The following SPPL3 variants were observed in gnomAD, a reference collection of about 807,000 sequenced individuals.
The protein encoded by SPPL3 is signal peptide peptidase like 3.
Under a neutral mutation model 42.4 loss-of-function variants are expected in SPPL3, and 5 were observed. The observed-to-expected ratio is 0.12, with a 90% CI of 0.06 to 0.25. The LOEUF is 0.25. Among genes scored for constraint, SPPL3 ranks in the 10% least tolerant of loss-of-function variants. The pLI is 1.00. For missense variants in SPPL3, 235 were observed against 489.0 expected (o/e 0.48, Z 4.90); for synonymous variants, 195 against 181.8 (o/e 1.07, Z -0.58).
intron 1 of SPPL3, among the ~76,000 whole-genome samples, chr12:120,900,323 ACAG>A (rs1307175123): frequency 6.6e-6 from 1 of 152,076 alleles, no homozygotes; most frequent in Non-Finnish European, 1.5e-5. Flanking sequence ...AAAAAAAAAA[ACAG>A]CAGGACCAGG....
chr12:120,853,300 T>C (rs915883713), intron 1 of SPPL3, among the ~76,000 whole-genome samples: 1 of 152,200 alleles, frequency 6.6e-6, no homozygotes, highest in African/African-American at 2.4e-5. Flanking sequence ...TTTCTAAGTC[T>C]ACAGAACTAT....
intron 9 of SPPL3, 120 bp downstream of exon 9, chr12:120,767,274 A>C: frequency 9.2e-7 from 1 of 1,086,460 alleles, no homozygotes. Flanking sequence ...TGTCTATTAC[A>C]GCACCCAGAA....
intron 3 of SPPL3, among the ~76,000 whole-genome samples, chr12:120,785,510 G>A (rs1007482896): frequency 1.6e-4 from 25 of 151,808 alleles, no homozygotes; most frequent in African/African-American, 4.8e-4. Flanking sequence ...CATTAATAGA[G>A]TATTTTTGGT....
chr12:120,854,483 T>C (rs1566061526), intron 1 of SPPL3, among the ~76,000 whole-genome samples: 1 of 152,226 alleles, frequency 6.6e-6, no homozygotes, highest in Non-Finnish European at 1.5e-5. Flanking sequence ...ATGGCAGCTA[T>C]GTGCTGTGTG....
chr12:120,879,298 C>G (rs964072872), intron 1 of SPPL3, among the ~76,000 whole-genome samples: 6 of 151,976 alleles, frequency 3.9e-5, no homozygotes, highest in African/African-American at 1.5e-4. Context: ...TTCCTCATCT[C>G]CCCCGCTCCA....
chr12:120,843,533 T>C (rs1871902512), intron 1 of SPPL3, among the ~76,000 whole-genome samples: 1 of 152,208 alleles, frequency 6.6e-6, no homozygotes, highest in Admixed American at 6.5e-5. Flanking sequence ...CCCACCTCAC[T>C]GGCTGTTCCT....
At chr12:120,814,862 C>G (rs1218186511) in intron 1 of SPPL3, among the ~76,000 whole-genome samples, 1 of 152,074 alleles carries the variant, frequency 6.6e-6, no homozygotes, top group African/African-American at 2.4e-5. Context: ...TCTCCCTCTA[C>G]CCCCCTTTTA....
At chr12:120,842,666 A>G (rs1871871219) in intron 1 of SPPL3, among the ~76,000 whole-genome samples, 2 of 152,154 alleles carry the variant, frequency 1.3e-5, no homozygotes, top group African/African-American at 4.8e-5. Context: ...ATGGTAGAAT[A>G]GGCTAACAAG....
At chr12:120,851,330 T>C (rs1421734293) in intron 1 of SPPL3, among the ~76,000 whole-genome samples, 1 of 151,562 alleles carries the variant, frequency 6.6e-6, no homozygotes, top group East Asian at 1.9e-4. Context: ...TCTCATACAG[T>C]TTTTTTTTAA....
Position 120,768,411 on chromosome 12 carries a change from G to T in SPPL3, c.687C>A (p.Asp229Glu). The T allele has an allele frequency of 6.2e-7, 1 of 1,614,210 alleles. No homozygotes were observed. Among genetic ancestry groups the T allele is most frequent in the African/African-American group, 1.3e-5 (1 of 75,070 alleles). The stretch of plus-strand genomic sequence containing the variant: ...CCAGGTGGAGCTTCCGGGATAGAAC[G>T]TCAAGGGGATTGTCAGCCGGCTGAG... ...VATQPADNPL[D>E]VLSRKLHLGP... The change falls in exon 8 of 11, where the codon GAC (aspartate) becomes GAA (glutamate). Residue 229 changes from aspartate to glutamate, a missense_variant. This residue lies in a region of SPPL3 where 20 missense variants were observed against 28.2 expected (regional missense o/e 0.71). Coordinates refer to ENST00000353487, the MANE Select transcript of SPPL3 (RefSeq NM_139015.5).
chr12:120,859,683 C>T (rs1253021990), intron 1 of SPPL3, among the ~76,000 whole-genome samples: 1 of 152,118 alleles, frequency 6.6e-6, no homozygotes, highest in Non-Finnish European at 1.5e-5. Context: ...GGGCCGGGTG[C>T]AGTGGCTCCC....
chr12:120,791,235 AT>A (rs760965165), intron 3 of SPPL3, among the ~76,000 whole-genome samples: 22 of 152,240 alleles, frequency 1.4e-4, no homozygotes, highest in Non-Finnish European at 2.8e-4. Context: ...ATGTATTAAT[AT>A]TATCAAATCA....
intron 1 of SPPL3, among the ~76,000 whole-genome samples, chr12:120,830,580 GGA>G (rs151140429): frequency 0.043 from 317 of 7,298 alleles, 24 homozygotes; most frequent in African/African-American, 0.099. Flanking sequence ...AGGGGGGGAA[GGA>G]GAGAGAGAGA....
intron 1 of SPPL3, among the ~76,000 whole-genome samples, chr12:120,843,479 T>C (rs1201736879): frequency 1.3e-5 from 2 of 152,150 alleles, no homozygotes; most frequent in Non-Finnish European, 2.9e-5. Flanking sequence ...TTCTTGAAAT[T>C]TTCAGCTTTT....
rs909431887 is a variant in SPPL3 at position 120,903,962 on chromosome 12, G to GTGCTTGCT, written c.-103_-96dup. 3 of 1,089,010 alleles carry GTGCTTGCT rather than the reference G, an allele frequency of 2.8e-6. No individual in the cohort carries two copies. Among genetic ancestry groups the GTGCTTGCT allele is most frequent in the African/African-American group, 1.6e-5 (1 of 60,624 alleles). The allele number at this position is 1,089,010 out of a possible 1,614,324, so 67.5% of individuals were successfully genotyped here. A position where few individuals can be genotyped will look rare whatever the true frequency, so the allele number is the denominator to read the frequency against. The stretch of plus-strand genomic sequence containing the variant: ...TAGCTGAAGGCGCGGCCGGGGTCCG[G>GTGCTTGCT]TGCTTGCTTGCTTGCTCGCTCGCTG... On this transcript the variant is annotated 5_prime_UTR_variant, in exon 1 of 11. Coordinates refer to ENST00000353487, the MANE Select transcript of SPPL3 (RefSeq NM_139015.5).
chr12:120,797,570 G>A (rs963559124), intron 2 of SPPL3, among the ~76,000 whole-genome samples: 1 of 152,078 alleles, frequency 6.6e-6, no homozygotes, highest in African/African-American at 2.4e-5. Flanking sequence ...TATCTTGGCT[G>A]GAAGTACAAG....
intron 2 of SPPL3, among the ~76,000 whole-genome samples, chr12:120,795,901 T>C (rs990883148): frequency 1.3e-5 from 2 of 152,206 alleles, no homozygotes; most frequent in Non-Finnish European, 2.9e-5. Flanking sequence ...TATGATCTTT[T>C]CATGTTTAAA....
At chr12:120,895,948 C>A (rs1252010768) in intron 1 of SPPL3, among the ~76,000 whole-genome samples, 1 of 152,082 alleles carries the variant, frequency 6.6e-6, no homozygotes. Flanking sequence ...AGTGGCATAA[C>A]ACAACTGAAT....
At chr12:120,793,177 G>A (rs1566043519) in intron 2 of SPPL3, among the ~76,000 whole-genome samples, 1 of 152,202 alleles carries the variant, frequency 6.6e-6, no homozygotes, top group Non-Finnish European at 1.5e-5. Flanking sequence ...ATGAAAAGAT[G>A]TTCAACACCG....
Sources: gnomAD v4.1 joint callset for allele counts (sites outside exome capture counted in the v4.1 genomes callset) on GRCh38, gnomAD v4.1.1 for gene constraint, gnomAD v4.1.1 regional missense constraint, MANE v1.5 for transcripts, NCBI Gene and HGNC (gene_info 2026-07-23, HGNC 2026-07-21) for gene names.